EYA2: variants seen among roughly 807,000 people sequenced by gnomAD.
EYA2 encodes the protein EYA transcriptional coactivator and phosphatase 2.
EYA2 carries 31 observed loss-of-function variants against 69.2 expected under a neutral mutation model. The observed-to-expected ratio is 0.45, with a 90% CI of 0.34 to 0.60. The LOEUF (loss-of-function observed/expected upper bound fraction) is 0.60. EYA2 is among the 20% of genes least tolerant of loss of function. The pLI, the probability that EYA2 is intolerant of heterozygous loss-of-function variation, is 0.02. For synonymous variants in EYA2, 257 were observed against 279.4 expected, an observed-to-expected ratio of 0.92 and a Z score of 0.80; for missense variants, 622 against 701.2, an observed-to-expected ratio of 0.89 and a Z score of 1.28.
intron 11 of EYA2, among the ~76,000 whole-genome samples, 173 bp downstream of exon 11, chr20:47,169,370 G>A (rs2034272518): frequency 6.6e-6 from 1 of 152,140 alleles, no homozygotes; most frequent in East Asian, 1.9e-4. Context: ...AACTAGGCGG[G>A]TGTGGTGGCT....
intron 1 of EYA2, among the ~76,000 whole-genome samples, chr20:46,948,546 G>A (rs1978612134): frequency 1.3e-5 from 2 of 152,204 alleles, no homozygotes; most frequent in African/African-American, 4.8e-5. Flanking sequence ...CTTATCAGCT[G>A]TATCCTCGGT....
intron 1 of EYA2, among the ~76,000 whole-genome samples, chr20:46,898,177 C>T (rs941132642): frequency 5.3e-5 from 8 of 151,140 alleles, no homozygotes; most frequent in African/African-American, 1.9e-4. Flanking sequence ...AGTCTGTTAC[C>T]TCCAAAGGCT....
chr20:46,904,023 C>T (rs1369514289), intron 1 of EYA2, among the ~76,000 whole-genome samples: 1 of 152,128 alleles, frequency 6.6e-6, no homozygotes, highest in East Asian at 1.9e-4. Flanking sequence ...TCAGTTGAGT[C>T]ATTTTAGGTA....
intron 9 of EYA2, among the ~76,000 whole-genome samples, chr20:47,138,003 G>T (rs6063076): frequency 2.7e-5 from 4 of 148,328 alleles, no homozygotes; most frequent in African/African-American, 1.0e-4. Context: ...GTGTGGGGAG[G>T]GGGGAGGGAT....
At chr20:47,173,461 C>T (rs117925299) in intron 12 of EYA2, among the ~76,000 whole-genome samples, 1 of 129,518 alleles carries the variant, frequency 7.7e-6, no homozygotes, top group African/African-American at 3.1e-5. Context: ...TGCAGTGACC[C>T]AAGATTACAC....
At chr20:47,131,092 G>GAA (rs202033871) in intron 9 of EYA2, among the ~76,000 whole-genome samples, 1 of 149,456 alleles carries the variant, frequency 6.7e-6, no homozygotes. Context: ...TCCATCTCAA[G>GAA]AAAAAAAAAA....
chr20:47,145,647 C>T (rs556574623), intron 10 of EYA2, among the ~76,000 whole-genome samples: 2 of 152,076 alleles, frequency 1.3e-5, no homozygotes, highest in Admixed American at 6.5e-5. Flanking sequence ...ACCTGTAATC[C>T]CAGCACTTTG....
intron 1 of EYA2, among the ~76,000 whole-genome samples, chr20:46,915,218 G>T (rs113377538): frequency 0.04 from 6,045 of 152,254 alleles, 198 homozygotes; most frequent in Non-Finnish European, 0.06. Context: ...GGGCTGCCAC[G>T]TTTTTTCCTG....
intron 1 of EYA2, among the ~76,000 whole-genome samples, chr20:46,984,279 A>G (rs2146317719): frequency 6.6e-6 from 1 of 152,324 alleles, no homozygotes; most frequent in East Asian, 1.9e-4. Flanking sequence ...GATAATAGAA[A>G]TAAAGAAAAC....
intron 10 of EYA2, among the ~76,000 whole-genome samples, chr20:47,156,459 A>G (rs1197993646): frequency 6.6e-6 from 1 of 151,786 alleles, no homozygotes; most frequent in East Asian, 2.0e-4. Flanking sequence ...GAAGGGGAGC[A>G]TTTCAAGATG....
intron 1 of EYA2, among the ~76,000 whole-genome samples, chr20:46,954,833 C>T (rs1197453699): frequency 1.3e-5 from 2 of 150,344 alleles, no homozygotes; most frequent in African/African-American, 2.5e-5. Context: ...GAGGCATTCT[C>T]AGAGCCAAGG....
At chr20:47,018,531 G>A (rs1403774132) in intron 5 of EYA2, among the ~76,000 whole-genome samples, 2 of 152,186 alleles carry the variant, frequency 1.3e-5, no homozygotes, top group African/African-American at 4.8e-5. Context: ...AGTGGTGATC[G>A]GCATTCAGCA....
At chr20:46,983,848 A>G (rs1981000778) in intron 1 of EYA2, among the ~76,000 whole-genome samples, 1 of 152,114 alleles carries the variant, frequency 6.6e-6, no homozygotes, top group Non-Finnish European at 1.5e-5. Context: ...AAATTGATAG[A>G]GGTCAAACTT....
chr20:46,900,289 G>A (rs945240036), intron 1 of EYA2, among the ~76,000 whole-genome samples: 4 of 152,146 alleles, frequency 2.6e-5, no homozygotes, highest in Admixed American at 2.6e-4. Flanking sequence ...ACTGTATATG[G>A]CAACTTACTT....
intron 1 of EYA2, among the ~76,000 whole-genome samples, chr20:46,915,627 T>C (rs1386607667): frequency 1.3e-5 from 2 of 152,198 alleles, no homozygotes; most frequent in Non-Finnish European, 2.9e-5. Flanking sequence ...ACAGATGTGC[T>C]TTCTTTGGCC....
chr20:47,066,750 T>C (rs1301049624), intron 5 of EYA2, among the ~76,000 whole-genome samples: 1 of 152,212 alleles, frequency 6.6e-6, no homozygotes, highest in Admixed American at 6.5e-5. Flanking sequence ...TCTATTAATA[T>C]GAGAGAGAAG....
At chr20:47,161,381 C>T (rs2034063453) in intron 10 of EYA2, 9 of 429,500 alleles carry the variant, frequency 2.1e-5, no homozygotes, top group South Asian at 1.9e-4. Flanking sequence ...TGGCGTGGGT[C>T]TGCTTTTGTA....
At chr20:46,918,514 C>G (rs1985031722) in intron 1 of EYA2, among the ~76,000 whole-genome samples, 1 of 152,042 alleles carries the variant, frequency 6.6e-6, no homozygotes, top group African/African-American at 2.4e-5. Context: ...ACCAGGTTAC[C>G]CAGAGTGGTC....
intron 1 of EYA2, among the ~76,000 whole-genome samples, chr20:46,938,081 A>G (rs1488297150): frequency 6.6e-6 from 1 of 152,244 alleles, no homozygotes; most frequent in East Asian, 1.9e-4. Flanking sequence ...GCTGGTAAAT[A>G]AAGTCCAGAT....
Sources: gnomAD v4.1 joint callset for allele counts (sites outside exome capture counted in the v4.1 genomes callset) on GRCh38, gnomAD v4.1.1 for gene constraint, MANE v1.5 for transcripts, NCBI Gene and HGNC (gene_info 2026-07-23, HGNC 2026-07-21) for gene names.